Variants in QKI observed in about 807,000 individuals in gnomAD.
The protein encoded by QKI is QKI, KH domain containing RNA binding.
In QKI, 10 loss-of-function variants were observed where a neutral mutation model predicts 39.0. The observed-to-expected ratio is 0.26, with a 90% confidence interval of 0.16 to 0.43. The LOEUF (loss-of-function observed/expected upper bound fraction) is 0.43. Ranked by LOEUF, QKI falls within the 20% of genes least tolerant of loss-of-function variation. The pLI is 1.00. For synonymous variants in QKI, 204 were observed against 155.4 expected, an observed-to-expected ratio of 1.31 and a Z score of -2.33; for missense variants, 218 against 428.0, an observed-to-expected ratio of 0.51 and a Z score of 4.33.
intron 3 of QKI, among the ~76,000 whole-genome samples, chr6:163,482,574 C>T (rs1359148081): frequency 6.8e-6 from 1 of 146,256 alleles, no homozygotes; most frequent in Non-Finnish European, 1.5e-5. Context: ...TTTGCAAGTC[C>T]CTCGTCGGGT....
intron 2 of QKI, among the ~76,000 whole-genome samples, chr6:163,463,965 A>G (rs1247744395): frequency 1.3e-5 from 2 of 152,060 alleles, no homozygotes. Flanking sequence ...CTTCCTTCCC[A>G]CCAAACATGC....
At chr6:163,544,433 C>A (rs1400434332) in intron 4 of QKI, among the ~76,000 whole-genome samples, 1 of 152,002 alleles carries the variant, frequency 6.6e-6, no homozygotes, top group Non-Finnish European at 1.5e-5. Context: ...GAGAGAGCTT[C>A]AGCTCTCCCC....
chr6:163,415,178 C>T lies in QKI; in HGVS notation c.-16C>T, dbSNP rs372310908. ...CGGCGGCGGCGGCGGGCGGAGTGAGCTGCGGAGCCTGGAATATGGTCGGGG... is the reference window on the plus strand; with the variant it reads ...CGGCGGCGGCGGCGGGCGGAGTGAGTTGCGGAGCCTGGAATATGGTCGGGG... On this transcript the variant is annotated 5_prime_UTR_variant, in exon 1 of 8. Coordinates refer to ENST00000361752, the MANE Select transcript of QKI (RefSeq NM_006775.3). 16 of 1,524,920 alleles carry T rather than the reference C, an allele frequency of 1.0e-5. No homozygotes were observed. The highest frequency in any genetic ancestry group is 1.8e-4 in the Middle Eastern group (1 of 5,600). The allele number at this position is 1,524,920 out of a possible 1,614,324, so 94.5% of individuals were successfully genotyped here.
chr6:163,415,964 A>G (rs756552719), intron 1 of QKI: 55 of 499,820 alleles, frequency 1.1e-4, no homozygotes, highest in African/African-American at 1.6e-4. Flanking sequence ...GTAGCCGACA[A>G]GGAGGACTAA....
intron 7 of QKI, 108 bp from the exon 8 acceptor site, chr6:163,570,586 G>C (rs1479970947): frequency 2.0e-6 from 3 of 1,532,954 alleles, no homozygotes; most frequent in African/African-American, 2.8e-5. Flanking sequence ...TATTAGTTGT[G>C]ATTAGTTTTT....
intron 7 of QKI, chr6:163,569,724 T>TA: frequency 1.0e-6 from 1 of 992,980 alleles, no homozygotes; most frequent in Non-Finnish European, 1.2e-6. Context: ...TTTTAAAATA[T>TA]AAAAATATAA....
At chr6:163,437,000 G>C (rs1475304996) in intron 1 of QKI, among the ~76,000 whole-genome samples, 1 of 151,996 alleles carries the variant, frequency 6.6e-6, no homozygotes, top group African/African-American at 2.4e-5. Context: ...AATTTCCATG[G>C]AGAGGAGAGT....
At chr6:163,416,476 G>C (rs1360068433) in intron 1 of QKI, 1 of 152,936 alleles carries the variant, frequency 6.5e-6, no homozygotes, top group Admixed American at 6.5e-5. Flanking sequence ...AAAGGAAACT[G>C]AAAACTACAG....
rs1369572811 is a variant in QKI at position 163,576,058 on chromosome 6, ATAGAG to A, written c.*5352_*5356del. ...TCGAATTCACAATTTTTCTAAGTGC[ATAGAG>A]TAGTTTTTTACATTGTCACGAATTC... is the stretch of plus-strand genomic sequence containing the variant. On this transcript the variant is annotated 3_prime_UTR_variant, in exon 8 of 8. Transcript: ENST00000361752. The A allele has an allele frequency of 1.3e-5, 2 of 152,244 alleles. No individual in the cohort carries two copies. The highest frequency in any genetic ancestry group is 4.8e-5 in the African/African-American group (2 of 41,466). 9.4% of individuals were successfully genotyped at this position (152,244 alleles called of 1,614,324 possible). A position where few individuals can be genotyped will look rare whatever the true frequency, so the allele number is the denominator to read the frequency against.
Position 163,465,796 on chromosome 6 carries a change from T to C in QKI, c.285+10375T>C, listed in dbSNP as rs370317642. ...AAAAATCAACATACAAAAATCAGTT[T>C]TCTGTCTATACACTAACAACAAACT... is the stretch of plus-strand genomic sequence containing the variant. On this transcript the variant is annotated intron_variant, in intron 2 of 7. Coordinates refer to ENST00000361752, the MANE Select transcript of QKI (RefSeq NM_006775.3). Among the ~76,000 whole-genome samples, 10 of 152,104 alleles carry C rather than the reference T, an allele frequency of 6.6e-5. No homozygotes were observed. The East Asian group carries it at 1.5e-3, about 24-fold the overall frequency.
Position 163,544,339 on chromosome 6 carries a change from G to A in QKI, c.546+9214G>A, listed in dbSNP as rs1428141659. On this transcript the variant is annotated intron_variant, in intron 4 of 7. Transcript: ENST00000361752. Reference sequence around the variant, plus strand: ...CTATGCCATTTTATATCATGGACTTGAGCATTCATGGGTTTTGGTATCTGT... The same window carrying A: ...CTATGCCATTTTATATCATGGACTTAAGCATTCATGGGTTTTGGTATCTGT... 2.6e-5 allele frequency among the ~76,000 whole-genome samples: 4 copies of A among 152,022 alleles called. No homozygotes were observed. In the South Asian group the frequency reaches 6.2e-4, roughly 24 times the overall value.
intron 3 of QKI, among the ~76,000 whole-genome samples, chr6:163,517,436 A>G (rs1381000614): frequency 6.7e-6 from 1 of 149,082 alleles, no homozygotes; most frequent in African/African-American, 2.5e-5. Context: ...TTGGTTTTTG[A>G]CACAGTCTCT....
At chr6:163,470,471 G>A (rs952601610) in intron 2 of QKI, among the ~76,000 whole-genome samples, 1 of 152,038 alleles carries the variant, frequency 6.6e-6, no homozygotes, top group Admixed American at 6.6e-5. Context: ...AGATATTATT[G>A]TCTTTGGCCT....
Position 163,573,685 on chromosome 6 carries a change from C to T in QKI, c.*2975C>T, listed in dbSNP as rs1783824936. On this transcript the variant is annotated 3_prime_UTR_variant, in exon 8 of 8. Transcript: ENST00000361752. ...TTAGCTAATGAATGAATACATTAGA[C>T]ACTTTTGGGTTTTAGTTGGGATTTT... 3.9e-5 allele frequency: 6 copies of T among 152,144 alleles called. No homozygotes were observed. Among genetic ancestry groups the T allele is most frequent in the Admixed American group, 2.6e-4 (4 of 15,262 alleles). 9.4% of individuals were successfully genotyped at this position (152,144 alleles called of 1,614,324 possible).
chr6:163,427,659 G>GTGCGTGTGTGTGCC (rs1788517746), intron 1 of QKI, among the ~76,000 whole-genome samples: 1 of 151,958 alleles, frequency 6.6e-6, no homozygotes, highest in Admixed American at 6.6e-5. Flanking sequence ...TGTCAGGTGC[G>GTGCGTGTGTGTGCC]TGCGTGTGTG....
chr6:163,574,969 T>C lies in QKI; in HGVS notation c.*4259T>C, dbSNP rs1173094935. On this transcript the variant is annotated 3_prime_UTR_variant, in exon 8 of 8. Coordinates refer to ENST00000361752, the MANE Select transcript of QKI (RefSeq NM_006775.3). ...TTTCATAAATATGTATACACACATA[T>C]AAATACACAGAGTAGTGTTAGCTGA... 6.6e-6 allele frequency: 1 copy of C among 152,200 alleles called. No individual in the cohort carries two copies. Among genetic ancestry groups the C allele is most frequent in the Non-Finnish European group, 1.5e-5 (1 of 68,036 alleles). The allele number at this position is 152,200 out of a possible 1,614,324, so 9.4% of individuals were successfully genotyped here.
rs1271693167 is a variant in QKI at position 163,577,357 on chromosome 6, TAA to T, written c.*6649_*6650del. The T allele has an allele frequency of 1.3e-5, 2 of 152,070 alleles. No homozygotes were observed. Among genetic ancestry groups the T allele is most frequent in the Non-Finnish European group, 2.9e-5 (2 of 68,012 alleles). The allele number at this position is 152,070 out of a possible 1,614,324, so 9.4% of individuals were successfully genotyped here. ...TTGGCTTATACGGTGTTTTGCTTTTTAAACTACTTGCCATAATTTAAAAGTGG... is the reference window on the plus strand; with the variant it reads ...TTGGCTTATACGGTGTTTTGCTTTTTACTACTTGCCATAATTTAAAAGTGG... On this transcript the variant is annotated 3_prime_UTR_variant, in exon 8 of 8. Coordinates refer to ENST00000361752, the MANE Select transcript of QKI (RefSeq NM_006775.3).
chr6:163,467,980 G>A (rs961354979), intron 2 of QKI, among the ~76,000 whole-genome samples: 1 of 152,092 alleles, frequency 6.6e-6, no homozygotes, highest in Non-Finnish European at 1.5e-5. Flanking sequence ...AGGATCATCT[G>A]TATTCATTCT....
chr6:163,448,363 G>GA (rs1337478915), intron 1 of QKI, among the ~76,000 whole-genome samples: 4 of 145,602 alleles, frequency 2.7e-5, no homozygotes, highest in Non-Finnish European at 6.0e-5. Flanking sequence ...TTGCCAGTTT[G>GA]AAAGCAGTTA....
Sources: gnomAD v4.1 joint callset for allele counts (sites outside exome capture counted in the v4.1 genomes callset) on GRCh38, gnomAD v4.1.1 for gene constraint, MANE v1.5 for transcripts, NCBI Gene and HGNC (gene_info 2026-07-23, HGNC 2026-07-21) for gene names.